GTF2IRD1: variants seen among roughly 807,000 people sequenced by gnomAD.
GTF2IRD1 encodes the protein general transcription factor II-I repeat domain-containing protein 1.
A neutral mutation model predicts 113.2 loss-of-function variants in GTF2IRD1; 26 were observed. The ratio of observed to expected loss-of-function variants is 0.23; its 90% CI spans 0.17 to 0.32. The LOEUF (loss-of-function observed/expected upper bound fraction) is 0.32, where lower values mean the gene tolerates loss of function less well. Among genes scored for constraint, GTF2IRD1 ranks in the 10% least tolerant of loss-of-function variants. The probability of loss-of-function intolerance (pLI) is 1.00; values close to 1 mark genes in which losing one functional copy is unlikely to be tolerated. For missense variants in GTF2IRD1, 864 were observed against 1,280.8 expected (o/e 0.67, Z 4.97); for synonymous variants, 484 against 529.1 (o/e 0.91, Z 1.17).
chr7:74,494,940 A>G (rs1306493137), intron 1 of GTF2IRD1, among the ~76,000 whole-genome samples: 1 of 151,908 alleles, frequency 6.6e-6, no homozygotes, highest in African/African-American at 2.4e-5. Flanking sequence ...TTTTGTAGAG[A>G]TGGGGGGTCT....
chr7:74,538,060 T>C (rs1452469489), intron 11 of GTF2IRD1, 76 bp from the exon 12 acceptor site: 55 of 1,483,184 alleles, frequency 3.7e-5, no homozygotes, highest in Middle Eastern at 2.4e-4. Flanking sequence ...GGGCCCTGAC[T>C]GCCTGGAGGG....
rs782132899 is a variant in GTF2IRD1, at chr7:74,591,009, C to A, written c.2583C>A (p.Asn861Lys). 2 of 1,609,936 alleles carry A rather than the reference C, an allele frequency of 1.2e-6. No individual in the cohort carries two copies. Among genetic ancestry groups the A allele is most frequent in the South Asian group, 2.2e-5 (2 of 90,930 alleles). Residue 861 changes from asparagine to lysine, a missense_variant, in exon 24 of 27, where the codon AAC (asparagine) becomes AAA (lysine). Coordinates refer to ENST00000424337, the MANE Select transcript of GTF2IRD1 (RefSeq NM_005685.4). Reference sequence around the variant, plus strand: ...AGCATGTCCGCATGGTCATCATTAACCAGCTCCAGTGAGTGCCCGGCCTCT... The same window carrying A: ...AGCATGTCCGCATGGTCATCATTAAACAGCTCCAGTGAGTGCCCGGCCTCT... ...AREHVRMVII[N>K]QLQPFAEICN...
rs782368701 is a variant in GTF2IRD1 at position 74,590,854 on chromosome 7, C to T, written c.2428C>T (p.Leu810=). 6.2e-7 allele frequency: 1 copy of T among 1,612,116 alleles called. No homozygotes were observed. Among genetic ancestry groups the T allele is most frequent in the Non-Finnish European group, 8.5e-7 (1 of 1,178,766 alleles). Residue 810 remains leucine, a synonymous_variant, in exon 24 of 27, where the codon CTG becomes TTG. Coordinates refer to ENST00000424337, the MANE Select transcript of GTF2IRD1 (RefSeq NM_005685.4). ...GEALGLNRPV[L]VPYKLIRDSP... ...GGCCCTGGGCCTGAACCGGCCGGTG[C>T]TGGTCCCTTATAAACTAATCCGGGA...
intron 1 of GTF2IRD1, among the ~76,000 whole-genome samples, chr7:74,499,343 A>G (rs142247371): frequency 6.6e-6 from 1 of 152,114 alleles, no homozygotes; most frequent in East Asian, 1.9e-4. Context: ...GCGGGAGCCA[A>G]TAAGCACAGG....
At chr7:74,550,032 C>A (rs185298009) in intron 17 of GTF2IRD1, among the ~76,000 whole-genome samples, 34 of 134,468 alleles carry the variant, frequency 2.5e-4, no homozygotes, top group African/African-American at 7.4e-4. Context: ...AGCAAAACTC[C>A]ATCTCAAAAA....
intron 1 of GTF2IRD1, among the ~76,000 whole-genome samples, chr7:74,463,801 A>C (rs1464882996): frequency 6.6e-6 from 1 of 151,028 alleles, no homozygotes; most frequent in Non-Finnish European, 1.5e-5. Flanking sequence ...ACGGCTCACT[A>C]CAACCTCCGC....
At chr7:74,591,931 A>G (rs1583977503) in intron 24 of GTF2IRD1, among the ~76,000 whole-genome samples, 1 of 147,870 alleles carries the variant, frequency 6.8e-6, no homozygotes, top group African/African-American at 2.5e-5. Flanking sequence ...TGGGTGGCCC[A>G]GTTTTTTTTT....
Position 74,577,633 on chromosome 7 carries a change from T to C in GTF2IRD1, c.2321-12218T>C, listed in dbSNP as rs1278397534. ...CTGTTCTCCTCCATGATATAATCAT[T>C]TTTCACTGGTTGATTTCTTTTTTAA... is the stretch of plus-strand genomic sequence containing the variant. On this transcript the variant is annotated intron_variant, in intron 22 of 26. Coordinates refer to ENST00000424337, the MANE Select transcript of GTF2IRD1 (RefSeq NM_005685.4). 4.6e-5 allele frequency among the ~76,000 whole-genome samples: 7 copies of C among 152,148 alleles called. 1 individual carries two copies. The highest frequency in any genetic ancestry group is 1.7e-4 in the African/African-American group (7 of 41,548).
intron 11 of GTF2IRD1, 76 bp downstream of exon 11, chr7:74,536,351 G>C: frequency 1.1e-6 from 1 of 896,432 alleles, no homozygotes; most frequent in Non-Finnish European, 1.8e-6. Flanking sequence ...CTGCAAGGGG[G>C]TACCCAGGGC....
chr7:74,517,307 G>A (rs1444759198), intron 4 of GTF2IRD1, among the ~76,000 whole-genome samples: 1 of 151,474 alleles, frequency 6.6e-6, no homozygotes, highest in Non-Finnish European at 1.5e-5. Flanking sequence ...TTACAGGCGT[G>A]AGCCACCACG....
intron 1 of GTF2IRD1, among the ~76,000 whole-genome samples, chr7:74,497,712 G>T (rs974874486): frequency 1.3e-5 from 2 of 151,944 alleles, no homozygotes; most frequent in Non-Finnish European, 2.9e-5. Context: ...TGTTTTGTTT[G>T]TTTTTGTTTT....
chr7:74,530,904 G>A (rs1335807020), intron 9 of GTF2IRD1, among the ~76,000 whole-genome samples: 18 of 152,028 alleles, frequency 1.2e-4, no homozygotes, highest in African/African-American at 3.6e-4. Context: ...CCCCATCTCT[G>A]CAAAATATTT....
At chr7:74,454,254 G>T (rs1183074656) in intron 1 of GTF2IRD1, 78 bp downstream of exon 1, 7 of 108,056 alleles carry the variant, frequency 6.5e-5, no homozygotes, top group Non-Finnish European at 2.1e-5. Flanking sequence ...GATCCCCTCC[G>T]CCTCCGGGGG....
chr7:74,466,330 G>A (rs1280842471), intron 1 of GTF2IRD1, among the ~76,000 whole-genome samples: 2 of 152,164 alleles, frequency 1.3e-5, no homozygotes, highest in African/African-American at 4.8e-5. Flanking sequence ...TTGGACAGAA[G>A]CGTAGGGCCA....
At chr7:74,496,215 T>A (rs1554337860) in intron 1 of GTF2IRD1, among the ~76,000 whole-genome samples, 1 of 151,390 alleles carries the variant, frequency 6.6e-6, no homozygotes, top group African/African-American at 2.4e-5. Flanking sequence ...GTATGGGGTG[T>A]CTGCATGTGG....
intron 22 of GTF2IRD1, among the ~76,000 whole-genome samples, chr7:74,586,990 TAAA>T (rs1400856912): frequency 6.6e-6 from 1 of 151,812 alleles, no homozygotes; most frequent in South Asian, 2.1e-4. Flanking sequence ...CAAAAAATTT[TAAA>T]AAAACTTAGT....
intron 1 of GTF2IRD1, among the ~76,000 whole-genome samples, chr7:74,468,309 C>G (rs782414706): frequency 6.6e-6 from 1 of 151,574 alleles, no homozygotes; most frequent in Non-Finnish European, 1.5e-5. Flanking sequence ...TGAGACCGGC[C>G]TGGGCAACGT....
intron 1 of GTF2IRD1, among the ~76,000 whole-genome samples, chr7:74,483,077 T>C (rs1554334952): frequency 6.6e-6 from 1 of 152,112 alleles, no homozygotes; most frequent in East Asian, 1.9e-4. Flanking sequence ...TGAGCCTGGG[T>C]TGGGTGTGCA....
chr7:74,556,403 C>T (rs1409839140), intron 19 of GTF2IRD1, among the ~76,000 whole-genome samples: 2 of 151,796 alleles, frequency 1.3e-5, no homozygotes, highest in African/African-American at 4.8e-5. Flanking sequence ...CCACTGCAAC[C>T]TCCGCTTCCC....
Sources: allele counts gnomAD v4.1 joint callset (sites outside exome capture counted in the v4.1 genomes callset), GRCh38; gene constraint gnomAD v4.1.1; transcripts MANE v1.5; gene names NCBI Gene and HGNC (gene_info 2026-07-23, HGNC 2026-07-21).